The following EDDM13 variants were observed in gnomAD, a reference collection of about 807,000 sequenced individuals.
EDDM13 encodes the protein epididymal protein 13.
Under a neutral mutation model 17.8 loss-of-function variants are expected in EDDM13, and 24 were observed. The observed-to-expected ratio is 1.35, with a 90% CI of 0.98 to 1.90. The LOEUF is 1.90. Ranked by LOEUF, EDDM13 falls within the 40% of genes most tolerant of loss-of-function variation. EDDM13 has a pLI of 0.00. For missense variants in EDDM13, 97 were observed against 100.8 expected (o/e 0.96, Z 0.16); for synonymous variants, 31 against 37.5 (o/e 0.83, Z 0.63).
At chr19:56,297,451 C>G in intron 11 of EDDM13, 54 bp from the exon 12 acceptor site, 1 of 803,182 alleles carries the variant, frequency 1.2e-6, no homozygotes, top group Non-Finnish European at 1.5e-6. Context: ...TTCTTCCTTT[C>G]CTCTTCCTCC....
At chr19:56,281,554 G>A (rs962032289) in intron 2 of EDDM13, 139 bp from the exon 3 acceptor site, 16 of 287,888 alleles carry the variant, frequency 5.6e-5, no homozygotes, top group Non-Finnish European at 8.3e-5. Context: ...TATAACAACA[G>A]GCAAATAAAT....
intron 5 of EDDM13, 107 bp downstream of exon 5, chr19:56,284,313 G>C (rs767584479): frequency 1.0e-5 from 3 of 297,210 alleles, no homozygotes; most frequent in South Asian, 1.3e-4. Flanking sequence ...GTATTCATTG[G>C]TGGGTTTTAG....
intron 14 of EDDM13, among the ~76,000 whole-genome samples, 170 bp downstream of exon 14, chr19:56,305,000 G>A (rs887564534): frequency 6.6e-6 from 1 of 152,142 alleles, no homozygotes; most frequent in South Asian, 2.1e-4. Flanking sequence ...TTACTTGCAA[G>A]CCACTGCCTG....
chr19:56,302,856 A>C (rs2040438504), intron 13 of EDDM13: 1 of 398,474 alleles, frequency 2.5e-6, no homozygotes, highest in Non-Finnish European at 4.4e-6. Context: ...GTTCATAAGG[A>C]CCAAGCCTGT....
chr19:56,285,715 G>A (rs373022868), intron 6 of EDDM13, among the ~76,000 whole-genome samples: 4 of 152,078 alleles, frequency 2.6e-5, no homozygotes, highest in East Asian at 1.9e-4. Flanking sequence ...TCCTGACCTC[G>A]TGATCCGCCC....
chr19:56,298,820 A>G (rs377632198), intron 12 of EDDM13, among the ~76,000 whole-genome samples: 2 of 152,246 alleles, frequency 1.3e-5, no homozygotes, highest in East Asian at 1.9e-4. Flanking sequence ...AGAAAATTAA[A>G]AACAGTCATT....
At chr19:56,279,316 A>G (rs1044119652) in intron 2 of EDDM13, among the ~76,000 whole-genome samples, 4 of 152,142 alleles carry the variant, frequency 2.6e-5, no homozygotes, top group African/African-American at 4.8e-5. Flanking sequence ...GCAAGACTGT[A>G]AGTTCCTAGA....
chr19:56,298,390 C>A (rs1318956282), intron 12 of EDDM13, among the ~76,000 whole-genome samples: 1 of 152,158 alleles, frequency 6.6e-6, no homozygotes, highest in African/African-American at 2.4e-5. Context: ...GTAATCCCAG[C>A]ATTCTGGGAG....
intron 1 of EDDM13, 106 bp downstream of exon 1, chr19:56,273,025 T>G (rs1447165975): frequency 3.3e-6 from 1 of 303,042 alleles, no homozygotes; most frequent in Non-Finnish European, 4.9e-6. Flanking sequence ...AACAGACTTC[T>G]TCTTGCTTCC....
intron 7 of EDDM13, among the ~76,000 whole-genome samples, 183 bp downstream of exon 7, chr19:56,288,621 G>A (rs113026586): frequency 8.5e-5 from 13 of 152,302 alleles, no homozygotes; most frequent in African/African-American, 2.4e-4. Context: ...CATACCTTGC[G>A]TGATGCCCAG....
At chr19:56,277,478 T>C (rs1294647501) in intron 2 of EDDM13, among the ~76,000 whole-genome samples, 1 of 151,978 alleles carries the variant, frequency 6.6e-6, no homozygotes, top group Non-Finnish European at 1.5e-5. Flanking sequence ...ATATGAAATA[T>C]TCAGGATAGG....
chr19:56,304,469 C>G (rs1417618347), intron 13 of EDDM13, among the ~76,000 whole-genome samples: 1 of 152,178 alleles, frequency 6.6e-6, no homozygotes, highest in Non-Finnish European at 1.5e-5. Context: ...ACCTGCCATA[C>G]GGCCCAGGAC....
At chr19:56,285,913 T>G (rs2039081945) in intron 6 of EDDM13, among the ~76,000 whole-genome samples, 1 of 152,262 alleles carries the variant, frequency 6.6e-6, no homozygotes, top group African/African-American at 2.4e-5. Flanking sequence ...GGTCAAAGGG[T>G]ATCTGCCTTT....
At chr19:56,303,827 AT>A (rs2040503148) in intron 13 of EDDM13, among the ~76,000 whole-genome samples, 1 of 88,822 alleles carries the variant, frequency 1.1e-5, no homozygotes, top group South Asian at 2.9e-4. Context: ...ACGTCTGGAC[AT>A]AAGAGATGAG....
At chr19:56,280,182 G>T (rs150494398) in intron 2 of EDDM13, among the ~76,000 whole-genome samples, 1 of 152,124 alleles carries the variant, frequency 6.6e-6, no homozygotes, top group African/African-American at 2.4e-5. Context: ...AAAAGACAGC[G>T]TATTATACAC....
At chr19:56,302,613 CT>C (rs2040403748) in intron 13 of EDDM13, among the ~76,000 whole-genome samples, 1 of 112,516 alleles carries the variant, frequency 8.9e-6, no homozygotes, top group Non-Finnish European at 1.8e-5. Context: ...CTTCCTCTCC[CT>C]CTTCCTCCCT....
chr19:56,290,496 C>A (rs1240803216), intron 8 of EDDM13, among the ~76,000 whole-genome samples: 6 of 152,090 alleles, frequency 3.9e-5, no homozygotes, highest in Admixed American at 1.3e-4. Context: ...GGCCTAGGAC[C>A]CTACTTCATA....
chr19:56,281,028 A>G (rs1037328516), intron 2 of EDDM13, among the ~76,000 whole-genome samples: 12 of 152,254 alleles, frequency 7.9e-5, no homozygotes, highest in Non-Finnish European at 1.6e-4. Flanking sequence ...ACTGTTGACC[A>G]GAAGACTTAC....
intron 4 of EDDM13, 56 bp from the exon 5 acceptor site, chr19:56,284,142 G>A: frequency 1.0e-6 from 1 of 985,322 alleles, no homozygotes. Context: ...CAACATTCTG[G>A]ACCACGCATG....
Sources: allele counts gnomAD v4.1 joint callset (sites outside exome capture counted in the v4.1 genomes callset), GRCh38; gene constraint gnomAD v4.1.1; transcripts MANE v1.5; gene names NCBI Gene and HGNC (gene_info 2026-07-23, HGNC 2026-07-21).